The following ARHGEF4 variants were observed in gnomAD, a reference collection of about 807,000 sequenced individuals.
The protein encoded by ARHGEF4 is Rho guanine nucleotide exchange factor 4, also known as APC-stimulated guanine nucleotide exchange factor 1.
ARHGEF4 carries 119 observed loss-of-function variants against 162.0 expected under a neutral mutation model. That is an observed-to-expected ratio of 0.73 (90% confidence interval 0.63 to 0.86). The LOEUF (loss-of-function observed/expected upper bound fraction) is 0.86. Among genes scored for constraint, ARHGEF4 ranks in the 40% least tolerant of loss-of-function variants. The pLI, the probability that ARHGEF4 is intolerant of heterozygous loss-of-function variation, is 0.00. For missense variants in ARHGEF4, 2,488 were observed against 2,456.0 expected (o/e 1.01, Z -0.28); for synonymous variants, 1,014 against 979.9 (o/e 1.03, Z -0.65).
intron 4 of ARHGEF4, among the ~76,000 whole-genome samples, chr2:130,959,924 G>A (rs986273424): frequency 3.3e-5 from 5 of 152,134 alleles, no homozygotes; most frequent in Non-Finnish European, 5.9e-5. Context: ...CTGTTTTTTT[G>A]TGTACAGTAG....
chr2:130,896,390 G>A (rs946068710), intron 1 of ARHGEF4, among the ~76,000 whole-genome samples: 8 of 152,216 alleles, frequency 5.3e-5, no homozygotes, highest in African/African-American at 1.2e-4. Context: ...AAACCATTCT[G>A]GCAGCAATGG....
chr2:131,046,325 C>G lies in ARHGEF4; in HGVS notation c.*136C>G. 1 of 886,696 alleles carries G rather than the reference C, an allele frequency of 1.1e-6. No homozygotes were observed. The highest frequency in any genetic ancestry group is 1.7e-6 in the Non-Finnish European group (1 of 587,216). 54.9% of individuals were successfully genotyped at this position (886,696 alleles called of 1,614,324 possible). ...TGGGCTGGGGAGTTGCTTGTGCCAC[C>G]AAGACGTGCCAGGTCTGTACTCCTG... is the stretch of plus-strand genomic sequence containing the variant. On this transcript the variant is annotated 3_prime_UTR_variant, in exon 14 of 14. Coordinates refer to ENST00000409359, the MANE Select transcript of ARHGEF4 (RefSeq NM_001367493.1).
intron 1 of ARHGEF4, among the ~76,000 whole-genome samples, chr2:130,868,602 C>T (rs115966889): frequency 0.039 from 5,885 of 152,110 alleles, 227 homozygotes; most frequent in East Asian, 0.1. Context: ...AAGGAAAAGG[C>T]GAAATCAGGG....
chr2:130,986,007 A>G (rs1326595011), intron 4 of ARHGEF4, among the ~76,000 whole-genome samples: 1 of 150,464 alleles, frequency 6.6e-6, no homozygotes. Context: ...TTGAACATGT[A>G]TGATGTGTGT....
At chr2:130,896,003 G>A (rs1680135300) in intron 1 of ARHGEF4, among the ~76,000 whole-genome samples, 3 of 152,070 alleles carry the variant, frequency 2.0e-5, no homozygotes. Context: ...TTTATGTATG[G>A]TGTGATGTGG....
intron 1 of ARHGEF4, 150 bp downstream of exon 1, chr2:130,837,142 C>T: frequency 1.4e-6 from 1 of 729,494 alleles, no homozygotes; most frequent in Non-Finnish European, 1.9e-6. Flanking sequence ...CCGCTCCCAA[C>T]TTTCCGACGT....
chr2:130,875,463 G>C (rs922298652), intron 1 of ARHGEF4, among the ~76,000 whole-genome samples: 1 of 152,186 alleles, frequency 6.6e-6, no homozygotes, highest in Non-Finnish European at 1.5e-5. Context: ...CTTGGCTTCA[G>C]ATGAGAGCCC....
At chr2:131,029,230 G>C (rs1301162381) in intron 5 of ARHGEF4, among the ~76,000 whole-genome samples, 1 of 152,026 alleles carries the variant, frequency 6.6e-6, no homozygotes, top group Admixed American at 6.6e-5. Context: ...ATGGTGGCGG[G>C]CACCTGTAAT....
At chr2:130,961,914 G>T (rs537968415) in intron 4 of ARHGEF4, among the ~76,000 whole-genome samples, 7 of 152,014 alleles carry the variant, frequency 4.6e-5, no homozygotes, top group Non-Finnish European at 8.8e-5. Flanking sequence ...GAGGGCTGAG[G>T]AGTGGGAGAA....
intron 4 of ARHGEF4, among the ~76,000 whole-genome samples, chr2:130,956,690 AATC>A (rs1209751702): frequency 1.3e-5 from 2 of 152,066 alleles, no homozygotes; most frequent in Admixed American, 6.5e-5. Flanking sequence ...TGAAATTGGA[AATC>A]ATCATTCTCA....
rs532935439 is a variant in ARHGEF4, at chr2:130,942,673, G to A, written c.3859-3836G>A. On this transcript the variant is annotated intron_variant, in intron 3 of 13. Transcript: ENST00000409359. ...TTTTCAAAGCAGTCACTGGAACTATGGTGCAGTTTTTATTTTGGAAGTGTG... is the reference window on the plus strand; with the variant it reads ...TTTTCAAAGCAGTCACTGGAACTATAGTGCAGTTTTTATTTTGGAAGTGTG... Among the ~76,000 whole-genome samples the A allele has an allele frequency of 9.2e-5, 14 of 152,098 alleles. No homozygotes were observed. The East Asian group carries it at 2.3e-3, about 25-fold the overall frequency.
At chr2:130,919,088 A>G (rs951892592) in intron 2 of ARHGEF4, among the ~76,000 whole-genome samples, 2 of 152,166 alleles carry the variant, frequency 1.3e-5, no homozygotes, top group African/African-American at 2.4e-5. Context: ...TGCTTGCTTA[A>G]TACAGCAGGT....
chr2:130,963,670 A>C (rs1173777578), intron 4 of ARHGEF4: 1 of 145,026 alleles, frequency 6.9e-6, no homozygotes. Flanking sequence ...CGCGTGCGTG[A>C]GCGCGTGCCG....
chr2:130,883,359 G>T (rs1679313711), intron 1 of ARHGEF4, among the ~76,000 whole-genome samples: 1 of 152,176 alleles, frequency 6.6e-6, no homozygotes, highest in Admixed American at 6.5e-5. Flanking sequence ...TCCCTGGGGT[G>T]CCAGAGCTCC....
intron 6 of ARHGEF4, chr2:131,039,246 G>C (rs745490894): frequency 2.9e-5 from 37 of 1,278,782 alleles, no homozygotes; most frequent in Middle Eastern, 5.6e-4. Context: ...CCAGAGAGGA[G>C]AGCAGTCGAG....
chr2:130,917,573 C>A, intron 2 of ARHGEF4, 75 bp downstream of exon 2: 3 of 1,462,174 alleles, frequency 2.1e-6, no homozygotes, highest in Non-Finnish European at 1.8e-6. Flanking sequence ...CGGGAATCTT[C>A]CTGAGGGGAG....
chr2:131,028,082 GAGGT>G lies in ARHGEF4; in HGVS notation c.4125+2_4125+5del. The G allele has an allele frequency of 6.2e-7, 1 of 1,613,812 alleles. No individual in the cohort carries two copies. The highest frequency in any genetic ancestry group is 2.2e-5 in the East Asian group (1 of 44,888). The stretch of plus-strand genomic sequence containing the variant: ...GGGTGGGGAGCAGCTGGCTATCAAT[GAGGT>G]AGGGTCAGGGCTGCACGGGCAGAGG... On this transcript the variant is annotated splice_donor_variant and coding_sequence_variant, in exon 5 of 14. Transcript: ENST00000409359. LOFTEE classifies it high-confidence loss of function.
At chr2:130,999,294 A>C (rs1349011333) in intron 4 of ARHGEF4, among the ~76,000 whole-genome samples, 3 of 151,306 alleles carry the variant, frequency 2.0e-5, no homozygotes, top group Admixed American at 2.0e-4. Flanking sequence ...AGCTGGGACT[A>C]CAGGCGCCCG....
intron 1 of ARHGEF4, among the ~76,000 whole-genome samples, chr2:130,871,207 C>T (rs1308896874): frequency 6.6e-6 from 1 of 152,184 alleles, no homozygotes; most frequent in Non-Finnish European, 1.5e-5. Context: ...CAGCTTCCTA[C>T]ACCTAGAGCT....
Sources: gnomAD v4.1 joint callset for allele counts (sites outside exome capture counted in the v4.1 genomes callset) on GRCh38, gnomAD v4.1.1 for gene constraint, MANE v1.5 for transcripts, NCBI Gene and HGNC (gene_info 2026-07-23, HGNC 2026-07-21) for gene names.